Variants in TNKS observed in about 807,000 individuals in gnomAD.
TNKS encodes tankyrase.
TNKS carries 72 observed loss-of-function variants against 135.8 expected under a neutral mutation model. That is an observed-to-expected ratio of 0.53 (90% CI 0.44 to 0.64). The LOEUF (loss-of-function observed/expected upper bound fraction) is 0.64, where lower values mean the gene tolerates loss of function less well. Ranked by LOEUF, TNKS falls within the 30% of genes least tolerant of loss-of-function variation. The probability of loss-of-function intolerance (pLI) is 0.00; values close to 1 mark genes in which losing one functional copy is unlikely to be tolerated. For missense variants in TNKS, 1,769 were observed against 1,674.0 expected, an observed-to-expected ratio of 1.06 and a Z score of -0.99; for synonymous variants, 849 against 649.3, an observed-to-expected ratio of 1.31 and a Z score of -4.68.
At chr8:9,761,217 T>C (rs1409030022) in intron 20 of TNKS, among the ~76,000 whole-genome samples, 1 of 152,242 alleles carries the variant, frequency 6.6e-6, no homozygotes, top group Non-Finnish European at 1.5e-5. Context: ...AAGCAGTAGA[T>C]GATAGAACAA....
intron 3 of TNKS, among the ~76,000 whole-genome samples, chr8:9,663,515 T>G (rs190095161): frequency 6.6e-6 from 1 of 152,334 alleles, no homozygotes; most frequent in East Asian, 1.9e-4. Context: ...TCCTATAATT[T>G]GATTCTGTTC....
chr8:9,559,014 T>C (rs1471774754), intron 1 of TNKS, among the ~76,000 whole-genome samples: 5 of 152,172 alleles, frequency 3.3e-5, no homozygotes, highest in Non-Finnish European at 7.4e-5. Context: ...ATTGGTACAA[T>C]CCCTTGGATG....
chr8:9,743,857 A>G (rs4841212), intron 17 of TNKS, among the ~76,000 whole-genome samples: 111,040 of 152,158 alleles, frequency 0.73, 40,808 homozygotes, highest in Admixed American at 0.81. Flanking sequence ...AGCCTTAGGA[A>G]TAATCTATAT....
At chr8:9,744,189 G>T (rs12545912) in intron 17 of TNKS, among the ~76,000 whole-genome samples, 109,862 of 152,014 alleles carry the variant, frequency 0.72, 39,977 homozygotes, top group Admixed American at 0.81. Context: ...TACTGTGTCG[G>T]TGTTCTTTAT....
chr8:9,556,963 AGTTT>A lies in TNKS; in HGVS notation c.673+352_673+355del. ...AGAGTAGTTTTGTCGTTTGTGTGCTAGTTTATTTTGTTTTTACAAGGGTATGTCC... is the reference window on the plus strand; with the variant it reads ...AGAGTAGTTTTGTCGTTTGTGTGCTAATTTTGTTTTTACAAGGGTATGTCC... On this transcript the variant is annotated intron_variant, in intron 1 of 26. Coordinates refer to ENST00000310430, the MANE Select transcript of TNKS (RefSeq NM_003747.3). The A allele has an allele frequency of 1.1e-5, 5 of 449,374 alleles. No homozygotes were observed. The South Asian group carries it at 2.3e-4, about 21-fold the overall frequency. The allele number at this position is 449,374 out of a possible 1,614,324, so 27.8% of individuals were successfully genotyped here.
chr8:9,651,061 G>A (rs895010551), intron 3 of TNKS, among the ~76,000 whole-genome samples: 2 of 151,958 alleles, frequency 1.3e-5, no homozygotes, highest in African/African-American at 4.8e-5. Context: ...AACACCATTT[G>A]TTAACTACGG....
chr8:9,717,188 C>G (rs1486973403), intron 11 of TNKS, among the ~76,000 whole-genome samples: 1 of 147,612 alleles, frequency 6.8e-6, no homozygotes, highest in Non-Finnish European at 1.5e-5. Context: ...AATAGAAATC[C>G]AGTTCCGTAC....
chr8:9,677,811 TC>T (rs1802608009), intron 3 of TNKS, among the ~76,000 whole-genome samples: 1 of 152,266 alleles, frequency 6.6e-6, no homozygotes, highest in South Asian at 2.1e-4. Flanking sequence ...CCATACCCAT[TC>T]CCCTGTGAGT....
chr8:9,726,557 G>C (rs1805173990), intron 12 of TNKS, 84 bp from the exon 13 acceptor site: 1 of 1,007,740 alleles, frequency 9.9e-7, no homozygotes. Flanking sequence ...AATCCCTCAA[G>C]AACCATTTTT....
intron 3 of TNKS, among the ~76,000 whole-genome samples, chr8:9,665,876 C>T (rs34074860): frequency 0.11 from 16,064 of 152,114 alleles, 1,169 homozygotes; most frequent in East Asian, 0.22. Flanking sequence ...TCAGAGTCTA[C>T]GCACCTCAAG....
intron 16 of TNKS, 109 bp downstream of exon 16, chr8:9,735,193 T>A: frequency 8.5e-7 from 1 of 1,176,042 alleles, no homozygotes; most frequent in Non-Finnish European, 1.2e-6. Context: ...CTTAGTAAAA[T>A]GCTCTTGATT....
intron 12 of TNKS, among the ~76,000 whole-genome samples, chr8:9,720,892 A>C (rs1804843742): frequency 6.6e-6 from 1 of 152,212 alleles, no homozygotes. Flanking sequence ...AATGACATTT[A>C]ATTAATTGTT....
At chr8:9,701,154 G>A (rs915239072) in intron 5 of TNKS, among the ~76,000 whole-genome samples, 2 of 151,916 alleles carry the variant, frequency 1.3e-5, no homozygotes, top group African/African-American at 4.8e-5. Context: ...AGCCAGGATG[G>A]TCTCGATCTC....
intron 3 of TNKS, among the ~76,000 whole-genome samples, chr8:9,639,727 T>C (rs1016204390): frequency 3.9e-5 from 6 of 152,296 alleles, no homozygotes; most frequent in African/African-American, 1.2e-4. Flanking sequence ...CTTGTTATCT[T>C]AGGGGATTCT....
chr8:9,753,842 C>T (rs924459371), intron 20 of TNKS, among the ~76,000 whole-genome samples: 2 of 152,324 alleles, frequency 1.3e-5, no homozygotes, highest in Admixed American at 6.5e-5. Flanking sequence ...TTTCAGCTTA[C>T]GCTTACGCTT....
intron 3 of TNKS, among the ~76,000 whole-genome samples, chr8:9,675,421 C>A (rs1184774738): frequency 1.3e-5 from 2 of 152,110 alleles, no homozygotes; most frequent in African/African-American, 4.8e-5. Context: ...AGACTGAAGT[C>A]TTTACATACT....
rs563750078 is a variant in TNKS at position 9,767,815 on chromosome 8, C to T, written c.3740+1390C>T. ...TCTACTAAAAATACAAAAAATTAGC[C>T]GGGCGTGGTGGCAGGCGCTTGTAGT... On this transcript the variant is annotated intron_variant, in intron 25 of 26. Transcript: ENST00000310430. Among the ~76,000 whole-genome samples the T allele has an allele frequency of 4.7e-3, 720 of 151,924 alleles. 2 individuals carry two copies. Among genetic ancestry groups the T allele is most frequent in the Non-Finnish European group, 8.4e-3 (573 of 67,954 alleles).
chr8:9,718,861 T>C (rs1804732436), intron 11 of TNKS, among the ~76,000 whole-genome samples: 3 of 152,294 alleles, frequency 2.0e-5, no homozygotes, highest in African/African-American at 7.2e-5. Flanking sequence ...TGCTGAATGT[T>C]AAGTATTTTT....
At chr8:9,675,591 C>T (rs562494316) in intron 3 of TNKS, among the ~76,000 whole-genome samples, 10 of 152,152 alleles carry the variant, frequency 6.6e-5, no homozygotes, top group African/African-American at 2.2e-4. Context: ...AATTTAAATG[C>T]TTTAAAGTAG....
Sources: gnomAD v4.1 joint callset for allele counts (sites outside exome capture counted in the v4.1 genomes callset) on GRCh38, gnomAD v4.1.1 for gene constraint, MANE v1.5 for transcripts, NCBI Gene and HGNC (gene_info 2026-07-23, HGNC 2026-07-21) for gene names.